FSTL4: variants seen among roughly 807,000 people sequenced by gnomAD.
FSTL4 encodes the protein follistatin-related protein 4.
Under a neutral mutation model 78.2 loss-of-function variants are expected in FSTL4, and 28 were observed. The ratio of observed to expected loss-of-function variants is 0.36; its 90% confidence interval spans 0.27 to 0.49. FSTL4 has a LOEUF of 0.49. Among genes scored for constraint, FSTL4 ranks in the 20% least tolerant of loss-of-function variants. The pLI, the probability that FSTL4 is intolerant of heterozygous loss-of-function variation, is 0.98. For synonymous variants in FSTL4, 422 were observed against 440.5 expected (o/e 0.96, Z 0.53); for missense variants, 922 against 1,084.9 (o/e 0.85, Z 2.11).
chr5:133,239,995 C>T (rs576493241), intron 7 of FSTL4, among the ~76,000 whole-genome samples: 1 of 152,218 alleles, frequency 6.6e-6, no homozygotes, highest in Admixed American at 6.5e-5. Flanking sequence ...AGTGGCAACA[C>T]GCTGGGATTC....
At chr5:133,376,679 A>G (rs779261148) in intron 4 of FSTL4, among the ~76,000 whole-genome samples, 2 of 152,178 alleles carry the variant, frequency 1.3e-5, no homozygotes, top group Non-Finnish European at 2.9e-5. Flanking sequence ...ACCTGAGGTC[A>G]GGAGTTTGAG....
At chr5:133,240,706 T>C (rs534883853) in intron 7 of FSTL4, among the ~76,000 whole-genome samples, 1 of 151,204 alleles carries the variant, frequency 6.6e-6, no homozygotes, top group Non-Finnish European at 1.5e-5. Flanking sequence ...CATCTCTTTG[T>C]GCATGACTGT....
intron 4 of FSTL4, among the ~76,000 whole-genome samples, chr5:133,363,008 C>T (rs76381686): frequency 0.02 from 3,009 of 152,140 alleles, 107 homozygotes; most frequent in African/African-American, 0.069. Flanking sequence ...GCTGTCAGCC[C>T]TTTAGAGCTC....
At chr5:133,302,408 C>T (rs1177178871) in intron 6 of FSTL4, among the ~76,000 whole-genome samples, 4 of 152,034 alleles carry the variant, frequency 2.6e-5, no homozygotes, top group South Asian at 2.1e-4. Flanking sequence ...CACAGGTCTT[C>T]GAAAAAGGGA....
the FSTL4 span, among the ~76,000 whole-genome samples, chr5:133,792,881 G>C: frequency 6.6e-6 from 1 of 152,308 alleles, no homozygotes; most frequent in African/African-American, 2.4e-5. Flanking sequence ...AAATGGCAGA[G>C]AGCACAATGA....
intron 3 of FSTL4, among the ~76,000 whole-genome samples, chr5:133,429,506 TG>T (rs1756892702): frequency 6.6e-6 from 1 of 152,072 alleles, no homozygotes; most frequent in Non-Finnish European, 1.5e-5. Flanking sequence ...CCACATAAGC[TG>T]GAACAACAGC....
rs1750158074 is a variant in FSTL4, at chr5:133,196,729, CTCT to C, written c.*2363_*2365del. 6.6e-6 allele frequency: 1 copy of C among 152,310 alleles called. No homozygotes were observed. The highest frequency in any genetic ancestry group is 1.5e-5 in the Non-Finnish European group (1 of 68,106). The allele number at this position is 152,310 out of a possible 1,614,324, so 9.4% of individuals were successfully genotyped here. On this transcript the variant is annotated 3_prime_UTR_variant, in exon 16 of 16. Transcript: ENST00000265342. ...AGGGCAGGCCAGTCTGGCCTTCCTC[CTCT>C]TCCTCCTTCTCCTCCCACCCCTGAC... is the stretch of plus-strand genomic sequence containing the variant.
chr5:133,753,692 TGTGTGTGTGTGTG>T, the FSTL4 span, among the ~76,000 whole-genome samples: 1 of 102,762 alleles, frequency 9.7e-6, no homozygotes, highest in African/African-American at 3.6e-5. Flanking sequence ...TCTGTGTGTG[TGTGTGTGTGTGTG>T]TGTGTGTGTG....
chr5:133,768,858 C>G, the FSTL4 span, among the ~76,000 whole-genome samples: 4 of 152,356 alleles, frequency 2.6e-5, no homozygotes, highest in African/African-American at 9.6e-5. Context: ...GTTAGCTCCA[C>G]TGCTGGGGTA....
At chr5:133,831,453 A>C in the FSTL4 span, among the ~76,000 whole-genome samples, 12 of 151,996 alleles carry the variant, frequency 7.9e-5, no homozygotes, top group Non-Finnish European at 1.5e-5. Context: ...ATTAGGAGGC[A>C]GTGAGTGGTG....
chr5:133,536,135 C>T (rs1001231823), intron 3 of FSTL4, among the ~76,000 whole-genome samples: 3 of 152,164 alleles, frequency 2.0e-5, no homozygotes, highest in African/African-American at 7.2e-5. Flanking sequence ...CTCTGGTTAG[C>T]ATCAGATTTT....
intron 6 of FSTL4, among the ~76,000 whole-genome samples, chr5:133,306,653 C>G (rs540254803): frequency 6.6e-6 from 1 of 152,178 alleles, no homozygotes; most frequent in East Asian, 1.9e-4. Context: ...CTCAAGGCCC[C>G]CTGGAGGCAT....
chr5:133,502,158 C>T (rs1396229370), intron 3 of FSTL4, among the ~76,000 whole-genome samples: 1 of 152,178 alleles, frequency 6.6e-6, no homozygotes, highest in African/African-American at 2.4e-5. Context: ...CTTTAAGCCA[C>T]CCATTTTGTG....
chr5:133,723,344 G>A, the FSTL4 span, among the ~76,000 whole-genome samples: 1 of 152,210 alleles, frequency 6.6e-6, no homozygotes, highest in East Asian at 1.9e-4. Flanking sequence ...AGGCCTTGGA[G>A]AGCAGAACAT....
chr5:133,631,012 A>G, the FSTL4 span, among the ~76,000 whole-genome samples: 1 of 152,216 alleles, frequency 6.6e-6, no homozygotes, highest in Non-Finnish European at 1.5e-5. Context: ...TGGATTAAAG[A>G]CTTAAACGTA....
At chr5:133,259,220 A>G (rs1752456047) in intron 6 of FSTL4, among the ~76,000 whole-genome samples, 1 of 152,092 alleles carries the variant, frequency 6.6e-6, no homozygotes. Context: ...CTCTTTGAGT[A>G]GAGAATATTT....
chr5:133,213,159 C>G (rs140086858), intron 13 of FSTL4, among the ~76,000 whole-genome samples: 2 of 152,000 alleles, frequency 1.3e-5, no homozygotes, highest in Non-Finnish European at 2.9e-5. Flanking sequence ...TGCACCACCA[C>G]GCCCAGCTAA....
chr5:133,237,184 C>A lies in FSTL4; in HGVS notation c.895-3647G>T, dbSNP rs181239896. On this transcript the variant is annotated intron_variant, in intron 7 of 15. Transcript: ENST00000265342. ...CTGGTCTCAAGTCTCGTCCCCACTT[C>A]CCCACTTGTCCCCTTCTCCGTCCTG... is the stretch of plus-strand genomic sequence containing the variant. Among the ~76,000 whole-genome samples, 18 of 152,312 alleles carry A rather than the reference C, an allele frequency of 1.2e-4. No individual in the cohort carries two copies. The East Asian group carries it at 3.3e-3, about 28-fold the overall frequency.
intron 6 of FSTL4, among the ~76,000 whole-genome samples, chr5:133,264,370 C>T (rs1030272930): frequency 6.6e-6 from 1 of 152,196 alleles, no homozygotes; most frequent in Admixed American, 6.5e-5. Context: ...CATCCCTGTC[C>T]TAACTCACCC....
Sources: gnomAD v4.1 joint callset for allele counts (sites outside exome capture counted in the v4.1 genomes callset) on GRCh38, gnomAD v4.1.1 for gene constraint, MANE v1.5 for transcripts, NCBI Gene and HGNC (gene_info 2026-07-23, HGNC 2026-07-21) for gene names.